The following PDE6B variants were observed in gnomAD, a reference collection of about 807,000 sequenced individuals.
The protein encoded by PDE6B is phosphodiesterase 6B, also known as rod cGMP-specific 3',5'-cyclic phosphodiesterase subunit beta.
Under a neutral mutation model 109.0 loss-of-function variants are expected in PDE6B, and 106 were observed. The observed-to-expected ratio is 0.97, with a 90% CI of 0.83 to 1.14. The LOEUF is 1.14. PDE6B is among the 50% of genes most tolerant of loss of function. The probability of loss-of-function intolerance (pLI) is 0.00; values close to 1 mark genes in which losing one functional copy is unlikely to be tolerated. For synonymous variants in PDE6B, 490 were observed against 471.3 expected, an observed-to-expected ratio of 1.04 and a Z score of -0.51; for missense variants, 1,193 against 1,155.6, an observed-to-expected ratio of 1.03 and a Z score of -0.47.
At chr4:656,802 C>T in intron 8 of PDE6B, 72 bp from the exon 9 acceptor site, 1 of 1,455,380 alleles carries the variant, frequency 6.9e-7, no homozygotes, top group Non-Finnish European at 9.6e-7. Flanking sequence ...CATGAGGTCA[C>T]TCTCCCCGGC....
intron 3 of PDE6B, among the ~76,000 whole-genome samples, chr4:637,254 T>A (rs959412696): frequency 3.9e-5 from 6 of 151,936 alleles, no homozygotes; most frequent in African/African-American, 1.5e-4. Context: ...TGTTTTTGGT[T>A]TTTGTTTTGT....
At position 662,446 on chromosome 4, in the gene PDE6B, C is replaced by T. The variant is rs765455457; in HGVS notation, c.1723-63C>T. On this transcript the variant is annotated intron_variant, in intron 13 of 21. Coordinates refer to ENST00000496514, the MANE Select transcript of PDE6B (RefSeq NM_000283.4). The surrounding 1 kb of genome is among the most constrained non-coding windows in gnomAD (Gnocchi z 4.3). ...AACCCGACGCCTAGGTCATCCCAAC[C>T]CCTCACCACTCCCCACCCTGCTGGA... 2.5e-6 allele frequency: 3 copies of T among 1,187,750 alleles called. No individual in the cohort carries two copies. In the African/African-American group the frequency reaches 4.5e-5, roughly 18 times the overall value. 73.6% of individuals were successfully genotyped at this position (1,187,750 alleles called of 1,614,324 possible).
At chr4:661,991 A>T in intron 12 of PDE6B, 143 bp from the exon 13 acceptor site, 4 of 680,004 alleles carry the variant, frequency 5.9e-6, no homozygotes, top group Non-Finnish European at 1.1e-5. Context: ...AAACGCAGGG[A>T]TGGGGAAGAT....
At chr4:631,881 C>A (rs1734404690) in intron 1 of PDE6B, among the ~76,000 whole-genome samples, 1 of 150,160 alleles carries the variant, frequency 6.7e-6, no homozygotes, top group South Asian at 2.1e-4. Context: ...TGTGTGACAC[C>A]ATCTGCTATC....
At chr4:647,445 C>G (rs976658937) in intron 3 of PDE6B, among the ~76,000 whole-genome samples, 1 of 152,000 alleles carries the variant, frequency 6.6e-6, no homozygotes, top group Non-Finnish European at 1.5e-5. Context: ...TCTGTATTAG[C>G]TTGAGCTGCC....
In PDE6B at chr4:665,315, G is replaced by C. The variant is rs200667817; in HGVS notation, c.2254G>C (p.Asp752His). 1 of 1,611,686 alleles carries C rather than the reference G, an allele frequency of 6.2e-7. No homozygotes were observed. The highest frequency in any genetic ancestry group is 1.1e-5 in the South Asian group (1 of 91,010). Residue 752 changes from aspartate to histidine, a missense_variant, in exon 19 of 22, where the codon GAT (aspartate) becomes CAT (histidine). By Grantham distance (81) the Asp-to-His change is moderately conservative. Coordinates refer to ENST00000496514, the MANE Select transcript of PDE6B (RefSeq NM_000283.4). The surrounding 1 kb of genome is among the most constrained non-coding windows in gnomAD (Gnocchi z 4.0). ...EQGDLERTVL[D>H]QQPIPMMDRN... ...AGGTGACTTGGAAAGGACAGTCTTG[G>C]ATCAGCAGCCCATTGTGAGTGCTGC... is the stretch of plus-strand genomic sequence containing the variant.
In PDE6B at chr4:642,725, C is replaced by CAAAAAAAAAAAAAAA. The variant is rs71636506; in HGVS notation, c.711+6767_711+6781dup. Reference sequence around the variant, plus strand: ...CCAACCTGGACAACAGACACTGTCTCAAAAAAAAAAAAAAAAAAAAAAAAA... The same window carrying CAAAAAAAAAAAAAAA: ...CCAACCTGGACAACAGACACTGTCTCAAAAAAAAAAAAAAAAAAAAAAAAAAAAAAAAAAAAAAAA... On this transcript the variant is annotated intron_variant, in intron 3 of 21. Transcript: ENST00000496514. 3.1e-3 allele frequency among the ~76,000 whole-genome samples: 134 copies of CAAAAAAAAAAAAAAA among 43,310 alleles called. 3 individuals carry two copies. The highest frequency in any genetic ancestry group is 8.2e-3 in the African/African-American group (88 of 10,698). 28.4% of individuals were successfully genotyped at this position (43,310 alleles called of 152,430 possible). A position where few individuals can be genotyped will look rare whatever the true frequency, so the allele number is the denominator to read the frequency against.
chr4:632,075 A>T (rs1361673042), intron 1 of PDE6B, among the ~76,000 whole-genome samples: 3 of 148,466 alleles, frequency 2.0e-5, no homozygotes, highest in Non-Finnish European at 4.5e-5. Context: ...ATGTGACACC[A>T]TCTGCTATCT....
chr4:628,361 T>C (rs751798673), intron 1 of PDE6B, among the ~76,000 whole-genome samples: 5 of 152,200 alleles, frequency 3.3e-5, no homozygotes, highest in Non-Finnish European at 5.9e-5. Flanking sequence ...GAGCAGCTCG[T>C]GGCTGTGGTG....
At chr4:664,859 C>G in intron 17 of PDE6B, 22 bp from the exon 18 acceptor site, 2 of 1,606,810 alleles carry the variant, frequency 1.2e-6, no homozygotes, top group Non-Finnish European at 1.7e-6. Context: ...CATCAGCACT[C>G]GTGCCCGGTT....
rs374268838 is a variant in PDE6B at position 633,694 on chromosome 4, G to T, written c.469-983G>T. ...CAGAACCACCCTGTGCCCACTGCAG[G>T]TCGCACAGGTGGGAAGTCCTGACCC... On this transcript the variant is annotated intron_variant, in intron 1 of 21. Transcript: ENST00000496514. The surrounding 1 kb of genome is among the most constrained non-coding windows in gnomAD (Gnocchi z 4.5). Among the ~76,000 whole-genome samples the T allele has an allele frequency of 2.0e-5, 3 of 152,202 alleles. No homozygotes were observed. The highest frequency in any genetic ancestry group is 4.4e-5 in the Non-Finnish European group (3 of 68,020).
rs1737705603 is a variant in PDE6B, at chr4:665,597, A to G, written c.2268+268A>G. ...CTCATCACCAGGAGCCTCTGGGTCC[A>G]GGCAGCTCTGCAGGTGAACCCCAGC... On this transcript the variant is annotated intron_variant, in intron 19 of 21. Coordinates refer to ENST00000496514, the MANE Select transcript of PDE6B (RefSeq NM_000283.4). The surrounding 1 kb of genome is among the most constrained non-coding windows in gnomAD (Gnocchi z 4.0). Among the ~76,000 whole-genome samples, 1 of 152,178 alleles carries G rather than the reference A, an allele frequency of 6.6e-6. No individual in the cohort carries two copies. Among genetic ancestry groups the G allele is most frequent in the African/African-American group, 2.4e-5 (1 of 41,444 alleles).
rs1034914489 is a variant in PDE6B, at chr4:648,444, G to A, written c.712-5408G>A. Reference sequence around the variant, plus strand: ...GATTGGCCCCCGCAGTCCGCCCAACGCCTGCACTTCGTCTGCCTCCTCCTT... The same window carrying A: ...GATTGGCCCCCGCAGTCCGCCCAACACCTGCACTTCGTCTGCCTCCTCCTT... On this transcript the variant is annotated intron_variant, in intron 3 of 21. Transcript: ENST00000496514. The surrounding 1 kb of genome is among the most constrained non-coding windows in gnomAD (Gnocchi z 4.5). Among the ~76,000 whole-genome samples, 3 of 150,496 alleles carry A rather than the reference G, an allele frequency of 2.0e-5. No individual in the cohort carries two copies. Among genetic ancestry groups the A allele is most frequent in the African/African-American group, 7.5e-5 (3 of 39,884 alleles).
intron 10 of PDE6B, among the ~76,000 whole-genome samples, chr4:657,972 G>C (rs1273462568): frequency 1.4e-5 from 2 of 143,506 alleles, no homozygotes; most frequent in African/African-American, 5.3e-5. Flanking sequence ...CTGTGCAGCA[G>C]AGGCAGGTCA....
At position 657,488 on chromosome 4, in the gene PDE6B, C is replaced by A; in HGVS notation, c.1395C>A (p.Leu465=). 1 of 1,612,906 alleles carries A rather than the reference C, an allele frequency of 6.2e-7. No individual in the cohort carries two copies. The highest frequency in any genetic ancestry group is 8.5e-7 in the Non-Finnish European group (1 of 1,179,610). The part of the protein sequence containing the change: ...HVKCDRDEIQ[L]ILPTRARLGK... ...AGTGCGACAGGGACGAGATCCAGCT[C>A]ATCCTGGTGCGGCGGGGCAGGACGT... The change falls in exon 10 of 22, where the codon CTC becomes CTA. Residue 465 remains leucine (L), a synonymous_variant. Transcript: ENST00000496514.
At chr4:643,918 C>CTTTTT (rs57739128) in intron 3 of PDE6B, among the ~76,000 whole-genome samples, 10 of 107,746 alleles carry the variant, frequency 9.3e-5, no homozygotes, top group African/African-American at 2.7e-4. Context: ...AGTTCAAAAT[C>CTTTTT]TTTTTTTTTT....
chr4:664,107 G>T lies in PDE6B; in HGVS notation c.2022-7G>T. 6.3e-7 allele frequency: 1 copy of T among 1,586,050 alleles called. No individual in the cohort carries two copies. Among genetic ancestry groups the T allele is most frequent in the Non-Finnish European group, 8.7e-7 (1 of 1,154,802 alleles). On this transcript the variant is annotated splice_polypyrimidine_tract_variant and splice_region_variant and intron_variant, in intron 16 of 21. Coordinates refer to ENST00000496514, the MANE Select transcript of PDE6B (RefSeq NM_000283.4). ...CCACCTGCACCTCCCTTGTTCCCTGGGTTCAGGAAGAGAGCGATGTTTCAG... is the reference window on the plus strand; with the variant it reads ...CCACCTGCACCTCCCTTGTTCCCTGTGTTCAGGAAGAGAGCGATGTTTCAG...
intron 17 of PDE6B, among the ~76,000 whole-genome samples, chr4:664,538 G>A (rs1737556352): frequency 6.6e-6 from 1 of 152,116 alleles, no homozygotes. Context: ...CTGGTCCCAG[G>A]GACCCAGTGA....
chr4:629,477 G>A lies in PDE6B; in HGVS notation c.468+3383G>A, dbSNP rs543413554. On this transcript the variant is annotated intron_variant, in intron 1 of 21. Coordinates refer to ENST00000496514, the MANE Select transcript of PDE6B (RefSeq NM_000283.4). ...CCCCAGCCGAACAGCCACGGACCCC[G>A]CAGTGCTGTGCATGCAGCCTCAGCC... 2.8e-3 allele frequency among the ~76,000 whole-genome samples: 432 copies of A among 152,318 alleles called. 3 individuals are homozygous for A. Among genetic ancestry groups the A allele is most frequent in the African/African-American group, 9.9e-3 (413 of 41,582 alleles).
Sources: allele counts gnomAD v4.1 joint callset (sites outside exome capture counted in the v4.1 genomes callset), GRCh38; gene constraint gnomAD v4.1.1; non-coding constraint Gnocchi (gnomAD v3.1); transcripts MANE v1.5; gene names NCBI Gene and HGNC (gene_info 2026-07-23, HGNC 2026-07-21).